The following SHANK2 variants were observed in gnomAD, a reference collection of about 807,000 sequenced individuals.
SHANK2 encodes SH3 and multiple ankyrin repeat domains 2, also known as SH3 and multiple ankyrin repeat domains protein 2.
Under a neutral mutation model 133.7 loss-of-function variants are expected in SHANK2, and 43 were observed. The observed-to-expected ratio is 0.32, with a 90% CI of 0.25 to 0.41. SHANK2 has a LOEUF of 0.41. SHANK2 is among the 10% of genes least tolerant of loss of function. SHANK2 has a pLI of 1.00. For missense variants in SHANK2, 1,994 were observed against 2,235.8 expected, an observed-to-expected ratio of 0.89 and a Z score of 2.18; for synonymous variants, 1,017 against 952.8, an observed-to-expected ratio of 1.07 and a Z score of -1.24.
chr11:70,568,817 C>G (rs2060005593), intron 17 of SHANK2, among the ~76,000 whole-genome samples: 1 of 152,114 alleles, frequency 6.6e-6, no homozygotes, highest in African/African-American at 2.4e-5. Flanking sequence ...GACTTTGATT[C>G]TTTGAGCCAC....
rs182536445 is a variant in SHANK2 at position 70,655,022 on chromosome 11, G to A, written c.2061+4806C>T. Among the ~76,000 whole-genome samples, 945 of 152,190 alleles carry A rather than the reference G, an allele frequency of 6.2e-3. 8 individuals carry two copies. Among genetic ancestry groups the A allele is most frequent in the African/African-American group, 0.022 (905 of 41,520 alleles). On this transcript the variant is annotated intron_variant, in intron 17 of 25. Coordinates refer to ENST00000601538, the MANE Select transcript of SHANK2 (RefSeq NM_012309.5). The stretch of plus-strand genomic sequence containing the variant: ...GACCTCAGGTGATCCACCCGTCTTG[G>A]CCTCCCAAAGTGCTGGGATTACAGG...
At chr11:71,190,118 G>A (rs1489482559) in intron 2 of SHANK2, among the ~76,000 whole-genome samples, 3 of 152,270 alleles carry the variant, frequency 2.0e-5, no homozygotes, top group South Asian at 2.1e-4. Context: ...CCAACCCCAC[G>A]ACTGAAAAAG....
intron 10 of SHANK2, among the ~76,000 whole-genome samples, chr11:70,917,882 G>A (rs1294027592): frequency 6.6e-6 from 1 of 152,078 alleles, no homozygotes; most frequent in Non-Finnish European, 1.5e-5. Flanking sequence ...GGAGGGAGAG[G>A]ATCGAGAAGA....
At chr11:71,104,369 C>T (rs555232612) in intron 6 of SHANK2, among the ~76,000 whole-genome samples, 2 of 152,190 alleles carry the variant, frequency 1.3e-5, no homozygotes, top group African/African-American at 4.8e-5. Flanking sequence ...GGGCCCCCCC[C>T]ATCCTGCATC....
chr11:70,706,717 A>T (rs1376408507), intron 14 of SHANK2, among the ~76,000 whole-genome samples: 2 of 150,830 alleles, frequency 1.3e-5, no homozygotes, highest in African/African-American at 4.9e-5. Flanking sequence ...CTGTTTTCTG[A>T]GTATGGCCTA....
intron 14 of SHANK2, among the ~76,000 whole-genome samples, chr11:70,787,466 A>G (rs1947693097): frequency 6.7e-6 from 1 of 148,918 alleles, no homozygotes; most frequent in Admixed American, 6.7e-5. Flanking sequence ...CACTAGGATC[A>G]CCACTATCAT....
At chr11:71,153,410 A>AAAAGTT in intron 2 of SHANK2, among the ~76,000 whole-genome samples, 1 of 152,206 alleles carries the variant, frequency 6.6e-6, no homozygotes, top group Non-Finnish European at 1.5e-5. Flanking sequence ...GAAAATCATC[A>AAAAGTT]CAGTCAAAGC....
At chr11:71,135,792 A>G (rs79389296) in intron 3 of SHANK2, among the ~76,000 whole-genome samples, 5,436 of 152,222 alleles carry the variant, frequency 0.036, 142 homozygotes, top group Non-Finnish European at 0.051. Context: ...ACCGGGAAGA[A>G]GTCACAGGAG....
intron 9 of SHANK2, among the ~76,000 whole-genome samples, chr11:71,068,822 C>A (rs1342506661): frequency 3.9e-5 from 6 of 152,054 alleles, no homozygotes; most frequent in Admixed American, 3.3e-4. Context: ...ACCATGCTCA[C>A]CACCATCATC....
At chr11:70,701,219 CCATTTCTAGGCTAGGTAAGGT>C (rs1221764736) in intron 14 of SHANK2, among the ~76,000 whole-genome samples, 1 of 151,974 alleles carries the variant, frequency 6.6e-6, no homozygotes, top group Non-Finnish European at 1.5e-5. Context: ...AGTAAAGGAA[CCATTTCTAGGCTAGGTAAGGT>C]AGCCAGTGTG....
chr11:70,950,151 C>T lies in SHANK2; in HGVS notation c.1108-53584G>A, dbSNP rs531276236. 6.2e-4 allele frequency: 282 copies of T among 455,914 alleles called. 1 individual carries two copies. Among genetic ancestry groups the T allele is most frequent in the Non-Finnish European group, 9.8e-4 (222 of 226,886 alleles). 28.2% of individuals were successfully genotyped at this position (455,914 alleles called of 1,614,324 possible). On this transcript the variant is annotated intron_variant, in intron 10 of 25. Transcript: ENST00000601538. The stretch of plus-strand genomic sequence containing the variant: ...TCAGCTCACTGCAACCTCTGTCTCC[C>T]GGGTTCAAGTGATTCTCCTGCCTCA...
intron 14 of SHANK2, among the ~76,000 whole-genome samples, chr11:70,757,830 C>A (rs537255921): frequency 6.6e-6 from 1 of 152,278 alleles, no homozygotes; most frequent in South Asian, 2.1e-4. Context: ...ATCCCATAGG[C>A]CTGCATGAAT....
intron 17 of SHANK2, among the ~76,000 whole-genome samples, chr11:70,558,825 G>A (rs1425000700): frequency 5.3e-5 from 8 of 152,298 alleles, no homozygotes; most frequent in South Asian, 4.1e-4. Flanking sequence ...GGAGGGCTCC[G>A]GCTTCCTGGA....
chr11:70,734,420 C>T (rs12291646), intron 14 of SHANK2, among the ~76,000 whole-genome samples: 59,949 of 152,074 alleles, frequency 0.39, 11,953 homozygotes, highest in African/African-American at 0.44. Context: ...CGCCTGACTC[C>T]CATACCCAGT....
chr11:70,901,847 G>A (rs145775214), intron 10 of SHANK2, among the ~76,000 whole-genome samples: 2,614 of 152,312 alleles, frequency 0.017, 46 homozygotes, highest in Non-Finnish European at 0.029. Flanking sequence ...AGCAAGACAG[G>A]CAAGATGGAT....
intron 1 of SHANK2, among the ~76,000 whole-genome samples, chr11:71,238,271 G>A (rs920708933): frequency 6.6e-6 from 1 of 152,240 alleles, no homozygotes; most frequent in Admixed American, 6.5e-5. Context: ...GCCCTGACAA[G>A]ACAGGCACTT....
chr11:70,524,661 C>T lies in SHANK2; in HGVS notation c.2062-21730G>A, dbSNP rs190247891. On this transcript the variant is annotated intron_variant, in intron 17 of 25. Coordinates refer to ENST00000601538, the MANE Select transcript of SHANK2 (RefSeq NM_012309.5). ...TTTCCAGAAAACATCATGCTGTCCA[C>T]GATACTGATGACATTACGGTAACTA... Among the ~76,000 whole-genome samples the T allele has an allele frequency of 3.9e-4, 59 of 152,276 alleles. No individual in the cohort carries two copies. In the East Asian group the frequency reaches 5.0e-3, roughly 13 times the overall value.
intron 14 of SHANK2, among the ~76,000 whole-genome samples, chr11:70,714,768 CT>C (rs1168908595): frequency 6.7e-5 from 10 of 148,856 alleles, no homozygotes; most frequent in Non-Finnish European, 1.2e-4. Context: ...TTCTTCCTTC[CT>C]TTTTTTTTTC....
chr11:70,511,982 T>C (rs953130416), intron 17 of SHANK2, among the ~76,000 whole-genome samples: 2 of 152,262 alleles, frequency 1.3e-5, no homozygotes, highest in Non-Finnish European at 2.9e-5. Context: ...CTTCTCACTC[T>C]GAGCCTTCAG....
Sources: gnomAD v4.1 joint callset for allele counts (sites outside exome capture counted in the v4.1 genomes callset) on GRCh38, gnomAD v4.1.1 for gene constraint, MANE v1.5 for transcripts, NCBI Gene and HGNC (gene_info 2026-07-23, HGNC 2026-07-21) for gene names.